The following KCNQ5 variants were observed in gnomAD, a reference collection of about 807,000 sequenced individuals.
KCNQ5 encodes potassium voltage-gated channel subfamily KQT member 5.
KCNQ5 carries 30 observed loss-of-function variants against 98.2 expected under a neutral mutation model. That is an observed-to-expected ratio of 0.31 (90% CI 0.23 to 0.41). The LOEUF is 0.41. KCNQ5 is among the 10% of genes least tolerant of loss of function. The pLI is 1.00. For missense variants in KCNQ5, 835 were observed against 1,182.5 expected, an observed-to-expected ratio of 0.71 and a Z score of 4.31; for synonymous variants, 458 against 449.4, an observed-to-expected ratio of 1.02 and a Z score of -0.24.
At chr6:73,176,755 A>G (rs1260442678) in intron 11 of KCNQ5, among the ~76,000 whole-genome samples, 1 of 152,208 alleles carries the variant, frequency 6.6e-6, no homozygotes, top group African/African-American at 2.4e-5. Context: ...ATGGTGAGAC[A>G]GGCTGGCTTG....
intron 1 of KCNQ5, among the ~76,000 whole-genome samples, chr6:72,667,051 A>C (rs1766856485): frequency 6.6e-6 from 1 of 152,350 alleles, no homozygotes; most frequent in African/African-American, 2.4e-5. Context: ...TTAGGAAATA[A>C]ATGAAATATT....
intron 1 of KCNQ5, among the ~76,000 whole-genome samples, chr6:72,908,291 C>T (rs1203944296): frequency 6.6e-6 from 1 of 152,010 alleles, no homozygotes; most frequent in African/African-American, 2.4e-5. Flanking sequence ...CAATGTACAA[C>T]ATGAGAACTA....
chr6:72,955,249 A>C (rs1200566272), intron 1 of KCNQ5, among the ~76,000 whole-genome samples: 9 of 152,180 alleles, frequency 5.9e-5, no homozygotes, highest in Non-Finnish European at 1.5e-5. Context: ...GTGTAGTCTG[A>C]ATAACCATGA....
At chr6:72,875,487 A>G (rs1483148707) in intron 1 of KCNQ5, among the ~76,000 whole-genome samples, 1 of 152,196 alleles carries the variant, frequency 6.6e-6, no homozygotes, top group Non-Finnish European at 1.5e-5. Context: ...TCTCAGATAC[A>G]CATTATTTTG....
intron 3 of KCNQ5, among the ~76,000 whole-genome samples, chr6:73,056,149 G>A (rs1358882170): frequency 6.6e-6 from 1 of 152,148 alleles, no homozygotes; most frequent in Non-Finnish European, 1.5e-5. Context: ...TGTTTACTAA[G>A]GACTTGTGAG....
intron 5 of KCNQ5, among the ~76,000 whole-genome samples, chr6:73,100,649 A>G (rs1774733946): frequency 2.0e-5 from 3 of 151,776 alleles, no homozygotes; most frequent in Admixed American, 1.3e-4. Flanking sequence ...AGCCTGGGCA[A>G]CAGAGTGAGA....
intron 1 of KCNQ5, among the ~76,000 whole-genome samples, chr6:72,743,763 TA>T (rs1323434271): frequency 1.6e-4 from 24 of 152,378 alleles, no homozygotes; most frequent in African/African-American, 5.8e-4. Flanking sequence ...CTGCGGACTC[TA>T]ATCTGTACCT....
intron 1 of KCNQ5, among the ~76,000 whole-genome samples, chr6:72,843,018 T>C (rs1776866055): frequency 6.6e-6 from 1 of 152,222 alleles, no homozygotes. Context: ...TGGCTTTCGT[T>C]GCCATTGCTT....
intron 5 of KCNQ5, among the ~76,000 whole-genome samples, chr6:73,081,382 T>C (rs1773759571): frequency 6.6e-6 from 1 of 152,248 alleles, no homozygotes; most frequent in Non-Finnish European, 1.5e-5. Flanking sequence ...AGATTTATTC[T>C]GAAATAATTT....
In KCNQ5 at chr6:73,111,326, T is replaced by C; in HGVS notation, c.1048T>C (p.Phe350Leu). 6.2e-7 allele frequency: 1 copy of C among 1,610,934 alleles called. No homozygotes were observed. The highest frequency in any genetic ancestry group is 8.5e-7 in the Non-Finnish European group (1 of 1,179,284). Residue 350 changes from phenylalanine (F) to leucine (L), a missense_variant, in exon 7 of 14, where the codon TTT (phenylalanine) becomes CTT (leucine). Physicochemically the swap from Phe to Leu is conservative, Grantham distance 22. Transcript: ENST00000370398. ...ALPAGILGSG[F>L]ALKVQEQHRQ... ...GTTCCAGGGCATTCTTGGCTCAGGTTTTGCATTAAAAGTACAAGAACAACA... is the reference window on the plus strand; with the variant it reads ...GTTCCAGGGCATTCTTGGCTCAGGTCTTGCATTAAAAGTACAAGAACAACA...
At chr6:72,790,940 T>C (rs1404861149) in intron 1 of KCNQ5, among the ~76,000 whole-genome samples, 1 of 152,086 alleles carries the variant, frequency 6.6e-6, no homozygotes, top group Non-Finnish European at 1.5e-5. Context: ...GTTTTTAGTA[T>C]GTGCCAGAAA....
chr6:72,857,648 C>T (rs186719050), intron 1 of KCNQ5, among the ~76,000 whole-genome samples: 12 of 152,246 alleles, frequency 7.9e-5, no homozygotes, highest in African/African-American at 2.9e-4. Context: ...TGCATATTTA[C>T]AAGTCAGGGA....
chr6:72,939,539 A>T (rs1198586674), intron 1 of KCNQ5, among the ~76,000 whole-genome samples: 2 of 152,144 alleles, frequency 1.3e-5, no homozygotes, highest in Non-Finnish European at 2.9e-5. Flanking sequence ...CCTTGGAGAG[A>T]CACCTCTCCA....
intron 1 of KCNQ5, among the ~76,000 whole-genome samples, chr6:72,824,510 A>G (rs1775899755): frequency 6.6e-6 from 1 of 152,106 alleles, no homozygotes; most frequent in South Asian, 2.1e-4. Context: ...TTGCCTGAGT[A>G]ATTTAAGAGC....
At chr6:73,106,048 G>A (rs1443050621) in intron 6 of KCNQ5, among the ~76,000 whole-genome samples, 2 of 152,054 alleles carry the variant, frequency 1.3e-5, no homozygotes. Flanking sequence ...CTCCATCTGG[G>A]GTAGGGAAGG....
chr6:72,767,871 A>G (rs1772660074), intron 1 of KCNQ5, among the ~76,000 whole-genome samples: 2 of 152,138 alleles, frequency 1.3e-5, no homozygotes, highest in South Asian at 4.1e-4. Context: ...TGGAACCCTC[A>G]TACATGCTGG....
chr6:73,178,058 G>C (rs543704290), intron 11 of KCNQ5, among the ~76,000 whole-genome samples: 6 of 151,390 alleles, frequency 4.0e-5, no homozygotes, highest in Non-Finnish European at 7.4e-5. Context: ...TTTTAAAGTA[G>C]TCAACATGTA....
rs780428866 is a variant in KCNQ5 at position 72,882,597 on chromosome 6, G to A, written c.399-121311G>A. Among the ~76,000 whole-genome samples, 4 of 152,194 alleles carry A rather than the reference G, an allele frequency of 2.6e-5. 1 individual carries two copies. On this transcript the variant is annotated intron_variant, in intron 1 of 13. Coordinates refer to ENST00000370398, the MANE Select transcript of KCNQ5 (RefSeq NM_019842.4). ...ATATTGTATAAAGTTAAGAGAATCA[G>A]ATTTAAATGCTCAAAATTTTGGTCC...
intron 13 of KCNQ5, among the ~76,000 whole-genome samples, chr6:73,193,092 C>A (rs978281691): frequency 5.4e-5 from 8 of 148,504 alleles, no homozygotes; most frequent in African/African-American, 1.7e-4. Flanking sequence ...ATGCTCCCAG[C>A]TCACTGCAAC....
Sources: gnomAD v4.1 joint callset for allele counts (sites outside exome capture counted in the v4.1 genomes callset) on GRCh38, gnomAD v4.1.1 for gene constraint, MANE v1.5 for transcripts, NCBI Gene and HGNC (gene_info 2026-07-23, HGNC 2026-07-21) for gene names.